UGGT1: variants seen among roughly 807,000 people sequenced by gnomAD.
UGGT1 encodes UDP-glucose:glycoprotein glucosyltransferase 1.
In UGGT1, 107 loss-of-function variants were observed where a neutral mutation model predicts 203.9. The observed-to-expected ratio is 0.52, with a 90% CI of 0.45 to 0.62. UGGT1 has a LOEUF of 0.62. UGGT1 is among the 20% of genes least tolerant of loss of function. The probability of loss-of-function intolerance (pLI) is 0.00; values close to 1 mark genes in which losing one functional copy is unlikely to be tolerated. For synonymous variants in UGGT1, 628 were observed against 653.5 expected (o/e 0.96, Z 0.59); for missense variants, 1,673 against 1,867.2 (o/e 0.90, Z 1.92).
Position 128,173,813 on chromosome 2 carries a change from G to A in UGGT1, c.3327G>A (p.Leu1109=). 6.8e-6 allele frequency: 11 copies of A among 1,614,074 alleles called. No homozygotes were observed. The highest frequency in any genetic ancestry group is 9.3e-6 in the Non-Finnish European group (11 of 1,180,006). The change falls in exon 30 of 41, where the codon CTG becomes CTA. Residue 1109 remains leucine (L), a synonymous_variant. Transcript: ENST00000259253. Reference sequence around the variant, plus strand: ...GTGTAGTGGCTGCTGAGTATGAGCTGGAATACCTGTTACTGGAAGGTCATT... The same window carrying A: ...GTGTAGTGGCTGCTGAGTATGAGCTAGAATACCTGTTACTGGAAGGTCATT... ...VDSVVAAEYE[L]EYLLLEGHCY... is the part of the protein sequence containing the mutation.
At chr2:128,114,938 A>T (rs1400663068) in intron 6 of UGGT1, among the ~76,000 whole-genome samples, 186 bp from the exon 7 acceptor site, 2 of 152,176 alleles carry the variant, frequency 1.3e-5, no homozygotes, top group African/African-American at 4.8e-5. Context: ...GTTTTGGACT[A>T]AAAAAATTTG....
At chr2:128,163,216 G>T (rs932773766) in intron 25 of UGGT1, among the ~76,000 whole-genome samples, 1 of 152,062 alleles carries the variant, frequency 6.6e-6, no homozygotes, top group Non-Finnish European at 1.5e-5. Flanking sequence ...ATATATATTT[G>T]GCATTTATAT....
At chr2:128,107,742 G>A (rs1171318873) in intron 3 of UGGT1, among the ~76,000 whole-genome samples, 196 bp from the exon 4 acceptor site, 1 of 152,184 alleles carries the variant, frequency 6.6e-6, no homozygotes, top group Non-Finnish European at 1.5e-5. Context: ...TAGTTCGAAA[G>A]GTGAGAAGAG....
chr2:128,123,504 A>G (rs1276183207), intron 11 of UGGT1, among the ~76,000 whole-genome samples: 1 of 152,188 alleles, frequency 6.6e-6, no homozygotes, highest in African/African-American at 2.4e-5. Flanking sequence ...GAAGACATTC[A>G]CTTTCGACAT....
chr2:128,168,518 G>C (rs1156409641), intron 26 of UGGT1, among the ~76,000 whole-genome samples: 1 of 151,472 alleles, frequency 6.6e-6, no homozygotes, highest in Admixed American at 6.6e-5. Context: ...AATGTTGTTT[G>C]GTAAAAAAAA....
At chr2:128,140,665 G>A (rs999876061) in intron 16 of UGGT1, 4 of 152,250 alleles carry the variant, frequency 2.6e-5, no homozygotes, top group Non-Finnish European at 5.9e-5. Flanking sequence ...ACCACCCACT[G>A]TTTATTTTAT....
chr2:128,123,764 C>T (rs1170243572), intron 11 of UGGT1, among the ~76,000 whole-genome samples: 1 of 152,110 alleles, frequency 6.6e-6, no homozygotes, highest in Non-Finnish European at 1.5e-5. Context: ...GCTCTTTATG[C>T]CCAGGGCATG....
intron 14 of UGGT1, among the ~76,000 whole-genome samples, chr2:128,134,041 T>TC (rs55814081): frequency 0.89 from 135,718 of 151,976 alleles, 61,532 homozygotes; most frequent in Non-Finnish European, 0.98. Flanking sequence ...TCTCTTTTCT[T>TC]CCCCCCACTC....
intron 39 of UGGT1, 149 bp downstream of exon 39, chr2:128,186,948 ATTC>A (rs2104840383): frequency 1.7e-6 from 1 of 593,312 alleles, no homozygotes; most frequent in African/African-American, 1.9e-5. Flanking sequence ...TGTCGGGGCT[ATTC>A]TTATCTTACA....
rs576949751 is a variant in UGGT1 at position 128,162,167 on chromosome 2, A to G, written c.2825+899A>G. Among the ~76,000 whole-genome samples the G allele has an allele frequency of 2.5e-3, 380 of 149,844 alleles. 2 individuals are homozygous for G. The highest frequency in any genetic ancestry group is 5.3e-3 in the Admixed American group (80 of 15,060). On this transcript the variant is annotated intron_variant, in intron 25 of 40. Coordinates refer to ENST00000259253, the MANE Select transcript of UGGT1 (RefSeq NM_020120.4). The stretch of plus-strand genomic sequence containing the variant: ...TGTCATGTGCAGATTGGCCATTTAT[A>G]TATCTTTGGGAAAATGTCTATTCAA...
intron 14 of UGGT1, among the ~76,000 whole-genome samples, chr2:128,134,046 C>CT (rs980433927): frequency 2.0e-5 from 3 of 151,756 alleles, no homozygotes; most frequent in Non-Finnish European, 4.4e-5. Context: ...TTTCTTCCCC[C>CT]CACTCCCGCA....
rs555254536 is a variant in UGGT1 at position 128,186,894 on chromosome 2, ATTTCCTAGATTCTTATTTAGAC to A, written c.4476+100_4476+121del. On this transcript the variant is annotated intron_variant, in intron 39 of 40. Transcript: ENST00000259253. ...TTTATTTAGATTCTTAAATTTAAGA[ATTTCCTAGATTCTTATTTAGAC>A]TTTCTCTGTAATTGTGTAGTTTGTC... 1.8e-3 allele frequency: 1,674 copies of A among 941,146 alleles called. 15 individuals are homozygous for A. Among genetic ancestry groups the A allele is most frequent in the African/African-American group, 0.014 (822 of 59,940 alleles). The allele number at this position is 941,146 out of a possible 1,614,324, so 58.3% of individuals were successfully genotyped here.
intron 13 of UGGT1, among the ~76,000 whole-genome samples, chr2:128,131,350 T>C (rs1688869585): frequency 6.6e-6 from 1 of 151,894 alleles, no homozygotes; most frequent in South Asian, 2.1e-4. Context: ...GCTCAGGAGT[T>C]GGAGACCTGC....
At chr2:128,147,865 C>T (rs1165630306) in intron 18 of UGGT1, among the ~76,000 whole-genome samples, 4 of 152,142 alleles carry the variant, frequency 2.6e-5, no homozygotes, top group African/African-American at 4.8e-5. Flanking sequence ...GTGATCTTTC[C>T]GCCTTGGCCT....
intron 3 of UGGT1, among the ~76,000 whole-genome samples, chr2:128,105,220 T>G (rs1038453578): frequency 1.3e-5 from 2 of 151,502 alleles, no homozygotes; most frequent in Non-Finnish European, 2.9e-5. Flanking sequence ...TTTATTAAAA[T>G]AATTCATATT....
At chr2:128,161,896 T>A (rs1690544887) in intron 25 of UGGT1, among the ~76,000 whole-genome samples, 1 of 152,196 alleles carries the variant, frequency 6.6e-6, no homozygotes, top group Non-Finnish European at 1.5e-5. Flanking sequence ...AGTTGGAGGA[T>A]CTATTTCTAT....
chr2:128,179,370 G>A (rs939776063), intron 34 of UGGT1, among the ~76,000 whole-genome samples: 3 of 152,094 alleles, frequency 2.0e-5, no homozygotes, highest in Non-Finnish European at 4.4e-5. Flanking sequence ...TGTGTAGGCT[G>A]CAGGAGGCGC....
At chr2:128,122,563 G>A (rs969297748) in intron 10 of UGGT1, among the ~76,000 whole-genome samples, 1 of 151,474 alleles carries the variant, frequency 6.6e-6, no homozygotes, top group African/African-American at 2.4e-5. Context: ...TTGTTTGTAC[G>A]TTTTCTGACA....
chr2:128,176,134 T>C (rs1573620689), intron 31 of UGGT1, among the ~76,000 whole-genome samples: 1 of 150,766 alleles, frequency 6.6e-6, no homozygotes, highest in South Asian at 2.1e-4. Flanking sequence ...TGGCCGGGAG[T>C]GATGGGTGAT....
Sources: allele counts gnomAD v4.1 joint callset (sites outside exome capture counted in the v4.1 genomes callset), GRCh38; gene constraint gnomAD v4.1.1; transcripts MANE v1.5; gene names NCBI Gene and HGNC (gene_info 2026-07-23, HGNC 2026-07-21).